The following ABCA1 variants were observed in gnomAD, a reference collection of about 807,000 sequenced individuals.
The protein encoded by ABCA1 is ATP binding cassette subfamily A member 1, also known as phospholipid-transporting ATPase ABCA1.
In ABCA1, 133 loss-of-function variants were observed where a neutral mutation model predicts 262.5. The ratio of observed to expected loss-of-function variants is 0.51; its 90% confidence interval spans 0.44 to 0.59. ABCA1 has a LOEUF of 0.59. Ranked by LOEUF, ABCA1 falls within the 20% of genes least tolerant of loss-of-function variation. The pLI is 0.00. For missense variants in ABCA1, 2,452 were observed against 2,777.5 expected, an observed-to-expected ratio of 0.88 and a Z score of 2.63; for synonymous variants, 1,022 against 1,043.5, an observed-to-expected ratio of 0.98 and a Z score of 0.40.
intron 8 of ABCA1, among the ~76,000 whole-genome samples, chr9:104,841,996 A>G (rs1834418193): frequency 6.6e-6 from 1 of 152,226 alleles, no homozygotes; most frequent in South Asian, 2.1e-4. Context: ...TATAGAGCAC[A>G]GAGGGGAGGG....
At chr9:104,810,068 GA>G (rs1588264181) in intron 29 of ABCA1, among the ~76,000 whole-genome samples, 1 of 145,762 alleles carries the variant, frequency 6.9e-6, no homozygotes, top group East Asian at 2.0e-4. Context: ...AGCCGGAAAG[GA>G]AAAAATAAAG....
chr9:104,906,599 C>A (rs949240184), intron 1 of ABCA1, among the ~76,000 whole-genome samples: 1 of 151,920 alleles, frequency 6.6e-6, no homozygotes, highest in Non-Finnish European at 1.5e-5. Context: ...ACAATTTGCT[C>A]CCCCAACTCA....
intron 18 of ABCA1, 63 bp downstream of exon 18, chr9:104,824,402 C>T: frequency 6.2e-7 from 1 of 1,609,858 alleles, no homozygotes; most frequent in Non-Finnish European, 8.5e-7. Context: ...TCGCTTGCCC[C>T]CAACAGTTAG....
chr9:104,819,909 G>A lies in ABCA1; in HGVS notation c.3103+18C>T, dbSNP rs776159318. On this transcript the variant is annotated intron_variant, in intron 21 of 49. Coordinates refer to ENST00000374736, the MANE Select transcript of ABCA1 (RefSeq NM_005502.4). ...AGGAGGAGGGGAGAGGGATAGGGAA[G>A]GTAGCTCTGGGCCGCACCTGACAGC... 1 of 1,611,500 alleles carries A rather than the reference G, an allele frequency of 6.2e-7. No individual in the cohort carries two copies. The highest frequency in any genetic ancestry group is 2.2e-5 in the East Asian group (1 of 44,878).
At chr9:104,842,295 G>A (rs1163574898) in intron 8 of ABCA1, among the ~76,000 whole-genome samples, 1 of 152,166 alleles carries the variant, frequency 6.6e-6, no homozygotes, top group African/African-American at 2.4e-5. Context: ...CATACAGACA[G>A]AAAGGGGACA....
At chr9:104,811,954 C>G (rs984120923) in intron 28 of ABCA1, among the ~76,000 whole-genome samples, 14 of 152,182 alleles carry the variant, frequency 9.2e-5, no homozygotes, top group African/African-American at 3.4e-4. Context: ...CTCTGCAGAC[C>G]TTTTCTCTAT....
chr9:104,835,362 A>G (rs897063562), intron 11 of ABCA1, among the ~76,000 whole-genome samples: 3 of 150,854 alleles, frequency 2.0e-5, no homozygotes, highest in Admixed American at 2.0e-4. Context: ...CAGCCCAACC[A>G]CCCTCCTCCA....
intron 3 of ABCA1, among the ~76,000 whole-genome samples, chr9:104,884,861 G>GC (rs989870618): frequency 6.6e-6 from 1 of 150,602 alleles, no homozygotes; most frequent in Non-Finnish European, 1.5e-5. Context: ...CTCTTTGACA[G>GC]CCAGCCTCAG....
rs1156878830 is a variant in ABCA1, at chr9:104,785,354, C to A, written c.6645+42G>T. The A allele has an allele frequency of 5.6e-6, 9 of 1,612,322 alleles. No homozygotes were observed. The East Asian group carries it at 2.0e-4, about 36-fold the overall frequency. On this transcript the variant is annotated intron_variant, in intron 49 of 49. Transcript: ENST00000374736. ...GGGCGGGAGTGTCGGGGCAGGAATC[C>A]ACACCCTGAGAAGTAAATCTGTTTT...
chr9:104,806,557 C>T (rs974321377), intron 30 of ABCA1, 127 bp from the exon 31 acceptor site: 4 of 906,786 alleles, frequency 4.4e-6, no homozygotes, highest in Non-Finnish European at 5.3e-6. Flanking sequence ...TTGGAAAAGA[C>T]AAGCATGATC....
rs543432994 is a variant in ABCA1, at chr9:104,806,499, C to A, written c.4275-69G>T. ...TGGCCTTTCTGTTGCCTCAGGAGCA[C>A]AGGATCATTCCGTAACAACCACAAA... On this transcript the variant is annotated intron_variant, in intron 30 of 49. Coordinates refer to ENST00000374736, the MANE Select transcript of ABCA1 (RefSeq NM_005502.4). 24 of 1,486,946 alleles carry A rather than the reference C, an allele frequency of 1.6e-5. No homozygotes were observed. The East Asian group carries it at 3.4e-4, about 21-fold the overall frequency. 92.1% of individuals were successfully genotyped at this position (1,486,946 alleles called of 1,614,324 possible). A position where few individuals can be genotyped will look rare whatever the true frequency, so the allele number is the denominator to read the frequency against.
intron 42 of ABCA1, 42 bp downstream of exon 42, chr9:104,792,744 A>C: frequency 6.2e-7 from 1 of 1,613,698 alleles, no homozygotes; most frequent in Non-Finnish European, 8.5e-7. Flanking sequence ...CATAAAGCTG[A>C]AAAAAACTGA....
chr9:104,922,268 C>G (rs1842179700), intron 1 of ABCA1, among the ~76,000 whole-genome samples: 1 of 152,122 alleles, frequency 6.6e-6, no homozygotes, highest in Non-Finnish European at 1.5e-5. Context: ...TAAAATGTAC[C>G]TTTCTATGCA....
intron 49 of ABCA1, 33 bp downstream of exon 49, chr9:104,785,363 A>T (rs1174537257): frequency 6.2e-7 from 1 of 1,612,944 alleles, no homozygotes; most frequent in African/African-American, 1.3e-5. Flanking sequence ...CCACACCCTG[A>T]GAAGTAAATC....
At chr9:104,855,343 T>C (rs1386400983) in intron 7 of ABCA1, 1 of 179,896 alleles carries the variant, frequency 5.6e-6, no homozygotes, top group Non-Finnish European at 1.1e-5. Context: ...ATTACAGGTG[T>C]GCGCCACCAC....
At chr9:104,853,763 G>T (rs1489765692) in intron 7 of ABCA1, among the ~76,000 whole-genome samples, 1 of 152,044 alleles carries the variant, frequency 6.6e-6, no homozygotes, top group Non-Finnish European at 1.5e-5. Flanking sequence ...TTCCAAATAT[G>T]GGCAAGAAAA....
chr9:104,858,094 A>C (rs111562055), intron 7 of ABCA1, among the ~76,000 whole-genome samples: 1 of 152,206 alleles, frequency 6.6e-6, no homozygotes, highest in Non-Finnish European at 1.5e-5. Flanking sequence ...GGGCCTTCCA[A>C]CTGTGACAGC....
rs768968953 is a variant in ABCA1 at position 104,796,149 on chromosome 9, G to A, written c.5286C>T (p.Ile1762=). 6.2e-7 allele frequency: 1 copy of A among 1,613,958 alleles called. No homozygotes were observed. The highest frequency in any genetic ancestry group is 8.5e-7 in the Non-Finnish European group (1 of 1,180,036). The change falls in exon 39 of 50, where the codon ATC becomes ATT. Residue 1762 remains isoleucine, a synonymous_variant. Coordinates refer to ENST00000374736, the MANE Select transcript of ABCA1 (RefSeq NM_005502.4). ...TGAGCACCACATAGGCTGTGCTGGG[G>A]ATCTTGAACACAAAGGAGGCTGGGT... The part of the protein sequence containing the change: ...LMYPASFVFK[I]PSTAYVVLTS...
chr9:104,888,066 T>G lies in ABCA1; in HGVS notation c.160+1036A>C, dbSNP rs1207415225. Among the ~76,000 whole-genome samples, 107 of 150,818 alleles carry G rather than the reference T, an allele frequency of 7.1e-4. No homozygotes were observed. In the East Asian group the frequency reaches 0.018, roughly 25 times the overall value. On this transcript the variant is annotated intron_variant, in intron 3 of 49. Coordinates refer to ENST00000374736, the MANE Select transcript of ABCA1 (RefSeq NM_005502.4). ...GAAAATGTTTCTTGAGGGGTGTGTG[T>G]GTGTGTGTGTGTGTGTGTGTGTGTT...
Sources: allele counts gnomAD v4.1 joint callset (sites outside exome capture counted in the v4.1 genomes callset), GRCh38; gene constraint gnomAD v4.1.1; transcripts MANE v1.5; gene names NCBI Gene and HGNC (gene_info 2026-07-23, HGNC 2026-07-21).